The following ENTREP1 variants were observed in gnomAD, a reference collection of about 807,000 sequenced individuals.
The protein encoded by ENTREP1 is Friedreich ataxia region gene X123.
chr9:69,327,410 G>A, the ENTREP1 span, among the ~76,000 whole-genome samples: 1 of 152,126 alleles, frequency 6.6e-6, no homozygotes. Flanking sequence ...AATACCACGG[G>A]CCAGTAATGA....
chr9:69,325,796 G>T, the ENTREP1 span: 9 of 1,211,182 alleles, frequency 7.4e-6, no homozygotes, highest in Non-Finnish European at 9.2e-6. Context: ...CCTCTCCATT[G>T]CCCCTTTGTT....
At chr9:69,331,024 G>T in the ENTREP1 span, among the ~76,000 whole-genome samples, 1 of 119,312 alleles carries the variant, frequency 8.4e-6, no homozygotes, top group African/African-American at 3.1e-5. Context: ...GAAATATTCA[G>T]TTGCCCACTT....
chr9:69,389,617 C>A, the ENTREP1 span, among the ~76,000 whole-genome samples: 4 of 152,176 alleles, frequency 2.6e-5, no homozygotes, highest in Non-Finnish European at 5.9e-5. Flanking sequence ...CTTAGCTACT[C>A]CAGATGTCAT....
chr9:69,330,100 T>G, the ENTREP1 span, among the ~76,000 whole-genome samples: 1 of 142,640 alleles, frequency 7.0e-6, no homozygotes, highest in African/African-American at 2.6e-5. Context: ...TTCCACTGGG[T>G]TTAATTAGAT....
At chr9:69,353,235 G>A in the ENTREP1 span, among the ~76,000 whole-genome samples, 5 of 152,164 alleles carry the variant, frequency 3.3e-5, no homozygotes, top group East Asian at 1.9e-4. Flanking sequence ...ACTAGTACTC[G>A]CTGGTGGACA....
chr9:69,351,932 T>A, the ENTREP1 span, among the ~76,000 whole-genome samples: 2 of 152,212 alleles, frequency 1.3e-5, no homozygotes, highest in African/African-American at 4.8e-5. Context: ...TCAAGAACAC[T>A]TTTTTGATCT....
the ENTREP1 span, among the ~76,000 whole-genome samples, chr9:69,357,452 TG>T: frequency 6.6e-6 from 1 of 152,178 alleles, no homozygotes; most frequent in Non-Finnish European, 1.5e-5. Flanking sequence ...TGAGTAAACC[TG>T]GCACTTCAGC....
the ENTREP1 span, among the ~76,000 whole-genome samples, chr9:69,335,450 C>T: frequency 1.3e-5 from 2 of 152,134 alleles, no homozygotes; most frequent in African/African-American, 2.4e-5. Context: ...CACAGCACTT[C>T]AGCAAAGAGA....
At chr9:69,357,973 G>A in the ENTREP1 span, among the ~76,000 whole-genome samples, 3 of 151,982 alleles carry the variant, frequency 2.0e-5, no homozygotes, top group African/African-American at 4.8e-5. Flanking sequence ...TAACTGTCAC[G>A]GGTCCTGTGC....
the ENTREP1 span, among the ~76,000 whole-genome samples, chr9:69,371,059 A>G: frequency 5.9e-5 from 9 of 152,318 alleles, no homozygotes; most frequent in East Asian, 1.5e-3. Context: ...ATGTCCATTT[A>G]CATACTGTGA....
the ENTREP1 span, chr9:69,383,491 C>A: frequency 6.6e-7 from 1 of 1,512,718 alleles, no homozygotes. Context: ...TATTCTCCCT[C>A]TCCTGGCCAA....
the ENTREP1 span, among the ~76,000 whole-genome samples, chr9:69,356,576 T>C: frequency 3.9e-5 from 6 of 151,998 alleles, no homozygotes; most frequent in East Asian, 7.7e-4. Context: ...AGAAAGAAAA[T>C]TAGAGAGGCA....
chr9:69,341,268 TG>T, the ENTREP1 span, among the ~76,000 whole-genome samples: 5 of 152,306 alleles, frequency 3.3e-5, no homozygotes, highest in South Asian at 1.0e-3. Flanking sequence ...GCATCAACAA[TG>T]AAGGTTCTTC....
the ENTREP1 span, among the ~76,000 whole-genome samples, chr9:69,389,920 CCA>C: frequency 6.6e-6 from 1 of 152,210 alleles, no homozygotes; most frequent in Non-Finnish European, 1.5e-5. Flanking sequence ...CCTGGGCCTT[CCA>C]GGACTGGAAC....
At chr9:69,353,902 T>C in the ENTREP1 span, among the ~76,000 whole-genome samples, 1 of 152,112 alleles carries the variant, frequency 6.6e-6, no homozygotes, top group African/African-American at 2.4e-5. Flanking sequence ...AAATTTCAAA[T>C]ATACCCCGAA....
the ENTREP1 span, among the ~76,000 whole-genome samples, chr9:69,340,747 T>TTGTGTG: frequency 3.7e-5 from 1 of 26,782 alleles, no homozygotes; most frequent in South Asian, 1.2e-3. Flanking sequence ...GTGTGTGTGT[T>TTGTGTG]TGTGTGTGTG....
the ENTREP1 span, among the ~76,000 whole-genome samples, chr9:69,376,216 T>A: frequency 6.6e-6 from 1 of 152,222 alleles, no homozygotes; most frequent in African/African-American, 2.4e-5. Context: ...GGTGTAGCTT[T>A]TAGCAAAACC....
chr9:69,332,441 C>T, the ENTREP1 span, among the ~76,000 whole-genome samples: 1 of 152,148 alleles, frequency 6.6e-6, no homozygotes, highest in Non-Finnish European at 1.5e-5. Flanking sequence ...TGTCTTCAAT[C>T]CATAGACTTG....
At chr9:69,386,686 A>G in the ENTREP1 span, 1 of 152,150 alleles carries the variant, frequency 6.6e-6, no homozygotes, top group African/African-American at 2.4e-5. Context: ...ACCTATGCAA[A>G]TAAAACTTTG....
Sources: allele counts gnomAD v4.1 joint callset (sites outside exome capture counted in the v4.1 genomes callset), GRCh38; gene constraint gnomAD v4.1.1; transcripts MANE v1.5; gene names NCBI Gene and HGNC (gene_info 2026-07-23, HGNC 2026-07-21).